Variants in TGFBR2 observed in about 807,000 individuals in gnomAD.
TGFBR2 encodes the protein TGF-beta receptor type-2.
Under a neutral mutation model 49.0 loss-of-function variants are expected in TGFBR2, and 18 were observed. That is an observed-to-expected ratio of 0.37 (90% confidence interval 0.25 to 0.54). TGFBR2 has a LOEUF of 0.54. Among genes scored for constraint, TGFBR2 ranks in the 20% least tolerant of loss-of-function variants. The pLI is 0.85. For synonymous variants in TGFBR2, 282 were observed against 275.9 expected (o/e 1.02, Z -0.22); for missense variants, 525 against 722.6 (o/e 0.73, Z 3.13).
intron 6 of TGFBR2, among the ~76,000 whole-genome samples, chr3:30,690,997 T>C (rs1309287174): frequency 6.6e-6 from 1 of 152,216 alleles, no homozygotes; most frequent in African/African-American, 2.4e-5. Flanking sequence ...AGGGGTTTTG[T>C]GAAAACTCTC....
At chr3:30,657,585 A>G (rs1699030799) in intron 3 of TGFBR2, among the ~76,000 whole-genome samples, 1 of 152,180 alleles carries the variant, frequency 6.6e-6, no homozygotes, top group Non-Finnish European at 1.5e-5. Flanking sequence ...TTGAGGATAA[A>G]TGTATTTATT....
At position 30,657,200 on chromosome 3, in the gene TGFBR2, G is replaced by C. The variant is rs144785418; in HGVS notation, c.454+6740G>C. Among the ~76,000 whole-genome samples, 770 of 152,248 alleles carry C rather than the reference G, an allele frequency of 5.1e-3. 2 individuals are homozygous for C. The highest frequency in any genetic ancestry group is 7.6e-3 in the Non-Finnish European group (517 of 68,018). ...AATACCCTTACCCTTCCACATTCCCGTGGTGGTGGTGTGTTTGCTTTTTTA... is the reference window on the plus strand; with the variant it reads ...AATACCCTTACCCTTCCACATTCCCCTGGTGGTGGTGTGTTTGCTTTTTTA... On this transcript the variant is annotated intron_variant, in intron 3 of 6. Coordinates refer to ENST00000295754, the MANE Select transcript of TGFBR2 (RefSeq NM_003242.6).
chr3:30,685,574 C>T (rs1232771720), intron 5 of TGFBR2, among the ~76,000 whole-genome samples: 2 of 152,192 alleles, frequency 1.3e-5, no homozygotes, highest in African/African-American at 4.8e-5. Context: ...AGCTTGATCT[C>T]ACTGGAAGCT....
At chr3:30,613,527 AGAGAGAGAG>A (rs1698070112) in intron 1 of TGFBR2, among the ~76,000 whole-genome samples, 1 of 36,190 alleles carries the variant, frequency 2.8e-5, no homozygotes, top group African/African-American at 1.4e-4. Context: ...TCTGTATGTG[AGAGAGAGAG>A]AGAGAGAGAG....
intron 2 of TGFBR2, among the ~76,000 whole-genome samples, chr3:30,646,694 T>A (rs74425972): frequency 6.6e-6 from 1 of 152,098 alleles, no homozygotes; most frequent in Admixed American, 6.5e-5. Context: ...ATATGTCAAA[T>A]AGAATGCAGG....
chr3:30,665,066 G>C (rs1699219937), intron 3 of TGFBR2, among the ~76,000 whole-genome samples: 1 of 152,226 alleles, frequency 6.6e-6, no homozygotes, highest in East Asian at 1.9e-4. Context: ...GCACTAATGA[G>C]CCTCAGATGC....
In TGFBR2 at chr3:30,606,853, G is replaced by A. The variant is rs767154664; in HGVS notation, c.-31G>A. ...GAAGGCGCCGTCCGCTGCGCTGGGG[G>A]CTCGGTCTATGACGAGCAGCGGGGT... On this transcript the variant is annotated 5_prime_UTR_variant, in exon 1 of 7. Transcript: ENST00000295754. The A allele has an allele frequency of 2.0e-5, 28 of 1,388,046 alleles. No individual in the cohort carries two copies. Among genetic ancestry groups the A allele is most frequent in the Non-Finnish European group, 2.2e-5 (23 of 1,047,808 alleles). The allele number at this position is 1,388,046 out of a possible 1,614,324, so 86.0% of individuals were successfully genotyped here. A position where few individuals can be genotyped will look rare whatever the true frequency, so the allele number is the denominator to read the frequency against.
rs924751305 is a variant in TGFBR2 at position 30,694,005 on chromosome 3, T to C, written c.*2406T>C. The C allele has an allele frequency of 4.3e-6, 1 of 230,038 alleles. No individual in the cohort carries two copies. Among genetic ancestry groups the C allele is most frequent in the Non-Finnish European group, 8.6e-6 (1 of 115,894 alleles). 14.2% of individuals were successfully genotyped at this position (230,038 alleles called of 1,614,324 possible). A position where few individuals can be genotyped will look rare whatever the true frequency, so the allele number is the denominator to read the frequency against. On this transcript the variant is annotated 3_prime_UTR_variant, in exon 7 of 7. Coordinates refer to ENST00000295754, the MANE Select transcript of TGFBR2 (RefSeq NM_003242.6). ...GGAATGTGAATGCTATATACTCTTT[T>C]TATATCAAAAGTCTCAAGCACTTAT... is the stretch of plus-strand genomic sequence containing the variant.
chr3:30,674,026 G>A, intron 4 of TGFBR2, 79 bp from the exon 5 acceptor site: 1 of 1,573,774 alleles, frequency 6.4e-7, no homozygotes, highest in Non-Finnish European at 8.7e-7. Flanking sequence ...ACGTGTCAGG[G>A]GCCACCATCA....
In TGFBR2 at chr3:30,688,477, G is replaced by A. The variant is rs200958264; in HGVS notation, c.1490G>A (p.Arg497Gln). Residue 497 changes from arginine to glutamine, a missense_variant, in exon 6 of 7, where the codon CGA (arginine) becomes CAA (glutamine). This residue lies in a region of TGFBR2 where 104 missense variants were observed against 133.4 expected (regional missense o/e 0.78). Transcript: ENST00000295754. ...MKDNVLRDRG[R>Q]PEIPSFWLNH... ...GACAACGTGTTGAGAGATCGAGGGC[G>A]ACCAGAAATTCCCAGCTTCTGGCTC... 13 of 1,614,230 alleles carry A rather than the reference G, an allele frequency of 8.1e-6. No homozygotes were observed. The highest frequency in any genetic ancestry group is 2.2e-5 in the East Asian group (1 of 44,882).
At chr3:30,609,325 A>T (rs896788192) in intron 1 of TGFBR2, among the ~76,000 whole-genome samples, 2 of 152,218 alleles carry the variant, frequency 1.3e-5, no homozygotes, top group Non-Finnish European at 2.9e-5. Flanking sequence ...TCTCTAACGT[A>T]ATTGGTAAAC....
intron 1 of TGFBR2, among the ~76,000 whole-genome samples, chr3:30,634,942 G>A (rs959814813): frequency 3.3e-5 from 5 of 152,122 alleles, no homozygotes; most frequent in African/African-American, 1.2e-4. Context: ...CTGGCTTCCT[G>A]TTCTTCTCAG....
intron 2 of TGFBR2, among the ~76,000 whole-genome samples, chr3:30,645,215 A>G (rs1220105497): frequency 6.6e-6 from 1 of 152,152 alleles, no homozygotes; most frequent in Non-Finnish European, 1.5e-5. Flanking sequence ...TTGTATCAAG[A>G]AGAGGGATTT....
In TGFBR2 at chr3:30,676,456, T is replaced by TA. The variant is rs1331602165; in HGVS notation, c.1396+2216dup. ...ATATTTATTAATATGCATTCTCCTT[T>TA]AAAAAAGATCTGTCTCTTCTGACAC... On this transcript the variant is annotated intron_variant, in intron 5 of 6. Coordinates refer to ENST00000295754, the MANE Select transcript of TGFBR2 (RefSeq NM_003242.6). The surrounding 1 kb of genome is among the most constrained non-coding windows in gnomAD (Gnocchi z 4.3). Among the ~76,000 whole-genome samples, 1 of 152,158 alleles carries TA rather than the reference T, an allele frequency of 6.6e-6. No individual in the cohort carries two copies. The highest frequency in any genetic ancestry group is 1.5e-5 in the Non-Finnish European group (1 of 68,036).
At chr3:30,658,226 A>G (rs1699044956) in intron 3 of TGFBR2, among the ~76,000 whole-genome samples, 1 of 152,222 alleles carries the variant, frequency 6.6e-6, no homozygotes, top group African/African-American at 2.4e-5. Context: ...ACTACCAGAA[A>G]AGCTTAGAGT....
chr3:30,689,675 C>T (rs1295042473), intron 6 of TGFBR2, among the ~76,000 whole-genome samples: 1 of 152,174 alleles, frequency 6.6e-6, no homozygotes, highest in East Asian at 1.9e-4. Flanking sequence ...AGCAAATCCT[C>T]TTTGACACTA....
At chr3:30,644,277 A>C (rs1201570709) in intron 1 of TGFBR2, among the ~76,000 whole-genome samples, 1 of 152,172 alleles carries the variant, frequency 6.6e-6, no homozygotes, top group Non-Finnish European at 1.5e-5. Flanking sequence ...CTCCCTGCCC[A>C]GCTGAGCGGT....
intron 1 of TGFBR2, 22 bp downstream of exon 1, chr3:30,606,999 C>T (rs2125438878): frequency 2.6e-6 from 4 of 1,560,216 alleles, no homozygotes; most frequent in Non-Finnish European, 3.5e-6. Context: ...CCAGCCCGGG[C>T]TCGGCGGGGC....
chr3:30,646,057 A>T (rs1244832013), intron 2 of TGFBR2, among the ~76,000 whole-genome samples: 1 of 152,198 alleles, frequency 6.6e-6, no homozygotes, highest in Non-Finnish European at 1.5e-5. Flanking sequence ...TTTATTGGCC[A>T]TTTTAAAAAA....
Sources: gnomAD v4.1 joint callset for allele counts (sites outside exome capture counted in the v4.1 genomes callset) on GRCh38, gnomAD v4.1.1 for gene constraint, gnomAD v4.1.1 regional missense constraint, Gnocchi (gnomAD v3.1) non-coding constraint, MANE v1.5 for transcripts, NCBI Gene and HGNC (gene_info 2026-07-23, HGNC 2026-07-21) for gene names.